The following MVB12B variants were observed in gnomAD, a reference collection of about 807,000 sequenced individuals.
MVB12B encodes the protein multivesicular body subunit 12B.
A neutral mutation model predicts 41.6 loss-of-function variants in MVB12B; 16 were observed. The ratio of observed to expected loss-of-function variants is 0.38; its 90% CI spans 0.26 to 0.58. The LOEUF (loss-of-function observed/expected upper bound fraction) is 0.58. Ranked by LOEUF, MVB12B falls within the 20% of genes least tolerant of loss-of-function variation. The probability of loss-of-function intolerance (pLI) is 0.62; values close to 1 mark genes in which losing one functional copy is unlikely to be tolerated. For missense variants in MVB12B, 274 were observed against 380.2 expected, an observed-to-expected ratio of 0.72 and a Z score of 2.32; for synonymous variants, 133 against 139.7, an observed-to-expected ratio of 0.95 and a Z score of 0.34.
chr9:126,372,755 TGAACTC>T (rs1302721330), intron 2 of MVB12B, among the ~76,000 whole-genome samples: 6 of 152,308 alleles, frequency 3.9e-5, no homozygotes, highest in Middle Eastern at 3.4e-3. Flanking sequence ...AGCTGGGACT[TGAACTC>T]GAATCTACCC....
intron 9 of MVB12B, among the ~76,000 whole-genome samples, chr9:126,494,857 G>A (rs1001004191): frequency 3.3e-5 from 5 of 150,866 alleles, no homozygotes; most frequent in Non-Finnish European, 7.4e-5. Flanking sequence ...TCAGTGACCA[G>A]GGAGCACCCC....
At chr9:126,361,283 T>C (rs1190413108) in intron 2 of MVB12B, among the ~76,000 whole-genome samples, 1 of 152,230 alleles carries the variant, frequency 6.6e-6, no homozygotes, top group Non-Finnish European at 1.5e-5. Flanking sequence ...CTTTAGCTTA[T>C]CACAGTCTAC....
chr9:126,331,487 G>A (rs1829129740), intron 1 of MVB12B, among the ~76,000 whole-genome samples: 1 of 152,084 alleles, frequency 6.6e-6, no homozygotes, highest in South Asian at 2.1e-4. Context: ...TTGTTGATTT[G>A]TAGGAGTTTT....
At chr9:126,407,528 C>T (rs1831477765) in intron 6 of MVB12B, among the ~76,000 whole-genome samples, 1 of 152,186 alleles carries the variant, frequency 6.6e-6, no homozygotes. Context: ...ACTGTCGAGT[C>T]TTCCTCTCTG....
In MVB12B at chr9:126,386,545, T is replaced by A. The variant is rs745832411; in HGVS notation, c.313-17T>A. The A allele has an allele frequency of 1.3e-5, 21 of 1,601,352 alleles. No homozygotes were observed. The African/African-American group carries it at 2.5e-4, about 19-fold the overall frequency. ...TGTTCAGATTAATAGTCTGTATCTC[T>A]TTTCTTTCTTCCCAAGAGTCATCTG... On this transcript the variant is annotated splice_polypyrimidine_tract_variant and intron_variant, in intron 3 of 9. Transcript: ENST00000361171. The surrounding 1 kb of genome is among the most constrained non-coding windows in gnomAD (Gnocchi z 4.3).
chr9:126,467,799 G>A (rs778492085), intron 7 of MVB12B, among the ~76,000 whole-genome samples: 1 of 152,308 alleles, frequency 6.6e-6, no homozygotes, highest in Admixed American at 6.5e-5. Context: ...GGCACAACAA[G>A]ATGTTCCTGG....
chr9:126,463,589 A>G (rs1833135829), intron 7 of MVB12B, among the ~76,000 whole-genome samples: 1 of 152,100 alleles, frequency 6.6e-6, no homozygotes, highest in Admixed American at 6.5e-5. Flanking sequence ...ATGGTGACTC[A>G]TCTTTTGGAA....
intron 2 of MVB12B, among the ~76,000 whole-genome samples, chr9:126,379,490 A>G (rs911240124): frequency 2.6e-4 from 40 of 152,168 alleles, no homozygotes; most frequent in Middle Eastern, 6.3e-3. Context: ...GATGCTGACA[A>G]GGCCTGACCC....
intron 6 of MVB12B, among the ~76,000 whole-genome samples, chr9:126,418,786 C>A (rs1326409173): frequency 6.6e-6 from 1 of 152,140 alleles, no homozygotes; most frequent in Non-Finnish European, 1.5e-5. Flanking sequence ...TCTCTGATTT[C>A]TGCCTATCTT....
At position 126,391,108 on chromosome 9, in the gene MVB12B, G is replaced by A. The variant is rs1033189578; in HGVS notation, c.410-958G>A. 3.9e-5 allele frequency among the ~76,000 whole-genome samples: 6 copies of A among 152,180 alleles called. No individual in the cohort carries two copies. The highest frequency in any genetic ancestry group is 6.5e-5 in the Admixed American group (1 of 15,292). ...AACTGTGTGACCGAGGTCCTGGGCC[G>A]ACGCCAGCAGAGCTCAGCAAGAATG... On this transcript the variant is annotated intron_variant, in intron 4 of 9. Transcript: ENST00000361171. This position sits in a 1 kb window ranked among gnomAD's most constrained non-coding sequence, Gnocchi z 4.4.
At chr9:126,350,001 T>G (rs1158789069) in intron 2 of MVB12B, among the ~76,000 whole-genome samples, 1 of 152,238 alleles carries the variant, frequency 6.6e-6, no homozygotes, top group African/African-American at 2.4e-5. Context: ...CAGCATTTGT[T>G]ATCGTCAGTA....
intron 9 of MVB12B, among the ~76,000 whole-genome samples, chr9:126,496,850 C>A (rs993301855): frequency 1.1e-4 from 17 of 152,154 alleles, no homozygotes; most frequent in Admixed American, 8.5e-4. Flanking sequence ...AGATAGGGTG[C>A]CCTGAAGGTG....
At chr9:126,373,054 T>G (rs1233228672) in intron 2 of MVB12B, among the ~76,000 whole-genome samples, 3 of 152,114 alleles carry the variant, frequency 2.0e-5, no homozygotes, top group African/African-American at 7.2e-5. Context: ...TGTGTCCCTG[T>G]GCCCCGTGAG....
chr9:126,397,901 C>T (rs1363778848), intron 6 of MVB12B, among the ~76,000 whole-genome samples: 1 of 152,076 alleles, frequency 6.6e-6, no homozygotes, highest in Non-Finnish European at 1.5e-5. Flanking sequence ...TGGTGGGGAG[C>T]AGTGGCTGGG....
intron 6 of MVB12B, among the ~76,000 whole-genome samples, chr9:126,417,054 C>T (rs1831847097): frequency 6.6e-6 from 1 of 152,198 alleles, no homozygotes; most frequent in African/African-American, 2.4e-5. Context: ...CCTTTCTGTC[C>T]TGTCCCCATG....
chr9:126,410,201 G>A (rs896358397), intron 6 of MVB12B, among the ~76,000 whole-genome samples: 3 of 151,870 alleles, frequency 2.0e-5, no homozygotes, highest in African/African-American at 7.3e-5. Flanking sequence ...GCATGCATGT[G>A]TGTATGTGTT....
intron 2 of MVB12B, among the ~76,000 whole-genome samples, chr9:126,362,913 G>A (rs781221965): frequency 2.6e-5 from 4 of 152,178 alleles, no homozygotes; most frequent in African/African-American, 9.7e-5. Context: ...TTGGCCAGGC[G>A]TGGTGGCTCA....
At chr9:126,381,202 G>A (rs1830626194) in intron 3 of MVB12B, 31 bp downstream of exon 3, 2 of 1,426,978 alleles carry the variant, frequency 1.4e-6, no homozygotes, top group Non-Finnish European at 2.0e-6. Flanking sequence ...CATTTGCTGA[G>A]TGAGCACAAG....
At chr9:126,457,894 C>G (rs1003910782) in intron 7 of MVB12B, among the ~76,000 whole-genome samples, 2 of 152,180 alleles carry the variant, frequency 1.3e-5, no homozygotes, top group African/African-American at 4.8e-5. Context: ...GAGCCCCTCT[C>G]CACCAAAACC....
Sources: allele counts gnomAD v4.1 joint callset (sites outside exome capture counted in the v4.1 genomes callset), GRCh38; gene constraint gnomAD v4.1.1; non-coding constraint Gnocchi (gnomAD v3.1); transcripts MANE v1.5; gene names NCBI Gene and HGNC (gene_info 2026-07-23, HGNC 2026-07-21).